The following GPA33 variants were observed in gnomAD, a reference collection of about 807,000 sequenced individuals.
The protein encoded by GPA33 is cell surface A33 antigen.
GPA33 carries 27 observed loss-of-function variants against 35.6 expected under a neutral mutation model. The observed-to-expected ratio is 0.76, with a 90% CI of 0.56 to 1.04. The LOEUF (loss-of-function observed/expected upper bound fraction) is 1.04, where lower values mean the gene tolerates loss of function less well. GPA33 is among the 50% of genes least tolerant of loss of function. The probability of loss-of-function intolerance (pLI) is 0.00; values close to 1 mark genes in which losing one functional copy is unlikely to be tolerated. For missense variants in GPA33, 428 were observed against 411.9 expected, an observed-to-expected ratio of 1.04 and a Z score of -0.34; for synonymous variants, 176 against 164.0, an observed-to-expected ratio of 1.07 and a Z score of -0.56.
At chr1:167,076,358 T>A (rs894763829) in intron 1 of GPA33, among the ~76,000 whole-genome samples, 2 of 152,024 alleles carry the variant, frequency 1.3e-5, no homozygotes, top group African/African-American at 2.4e-5. Flanking sequence ...GCAAGTGGGC[T>A]GGTAGATTTG....
Position 167,073,421 on chromosome 1 carries a change from T to C in GPA33, c.162A>G (p.Gly54=). The C allele has an allele frequency of 2.5e-6, 4 of 1,613,862 alleles. No individual in the cohort carries two copies. Among genetic ancestry groups the C allele is most frequent in the Non-Finnish European group, 2.5e-6 (3 of 1,179,804 alleles). Residue 54 remains glycine, a synonymous_variant, in exon 2 of 7, where the codon GGA becomes GGG. Transcript: ENST00000367868. The part of the protein sequence containing the change: ...TYHTSTSSRE[G]LIQWDKLLLT... ...GGAGGAGCTTATCCCATTGAATAAG[T>C]CCCTCTCGACTGGAGGTGGAAGTGT...
intron 2 of GPA33, among the ~76,000 whole-genome samples, chr1:167,073,078 A>C (rs1666753527): frequency 6.6e-6 from 1 of 152,214 alleles, no homozygotes; most frequent in Non-Finnish European, 1.5e-5. Flanking sequence ...AAAACCCATA[A>C]AATTTGGCCT....
chr1:167,055,161 G>T, intron 5 of GPA33, 50 bp from the exon 6 acceptor site: 4 of 1,596,756 alleles, frequency 2.5e-6, no homozygotes, highest in Non-Finnish European at 3.4e-6. Flanking sequence ...AGCTAGCTCC[G>T]GGTCTCCTCC....
At chr1:167,079,771 A>G (rs1466319656) in intron 1 of GPA33, among the ~76,000 whole-genome samples, 1 of 152,236 alleles carries the variant, frequency 6.6e-6, no homozygotes, top group Non-Finnish European at 1.5e-5. Context: ...ATCTGGCTGG[A>G]CTTTTTAATA....
At chr1:167,079,352 T>C (rs1460204874) in intron 1 of GPA33, among the ~76,000 whole-genome samples, 1 of 151,660 alleles carries the variant, frequency 6.6e-6, no homozygotes. Context: ...ATTAGCCAGG[T>C]GTGGCAGCAT....
In GPA33 at chr1:167,069,047, T is replaced by C. The variant is rs1666660955; in HGVS notation, c.290A>G (p.Gln97Arg). The change falls in exon 3 of 7, where the codon CAG (glutamine) becomes CGG (arginine). Residue 97 changes from glutamine to arginine, a missense_variant. Transcript: ENST00000367868. ...NRVSISNNAE[Q>R]SDASITIDQL... ...ATCAATGGTGATGGAGGCATCGGAC[T>C]GCTCAGCATTGTTGGATATGCTGAC... 1.2e-6 allele frequency: 2 copies of C among 1,613,688 alleles called. No homozygotes were observed.
At chr1:167,055,933 G>A (rs2102163930) in intron 4 of GPA33, 84 bp from the exon 5 acceptor site, 1 of 1,423,546 alleles carries the variant, frequency 7.0e-7, no homozygotes, top group East Asian at 2.3e-5. Context: ...GACTCCTTGG[G>A]AAGCACAACC....
intron 4 of GPA33, among the ~76,000 whole-genome samples, chr1:167,057,366 C>A (rs1666330096): frequency 6.6e-6 from 1 of 151,952 alleles, no homozygotes; most frequent in African/African-American, 2.4e-5. Flanking sequence ...TTGAGAGGAG[C>A]TGGAGACCTA....
intron 4 of GPA33, among the ~76,000 whole-genome samples, chr1:167,056,919 GGTGTGTACT>G (rs1666318672): frequency 9.2e-6 from 1 of 108,770 alleles, no homozygotes; most frequent in Non-Finnish European, 2.0e-5. Context: ...TGGTGTGTGT[GGTGTGTACT>G]GTGTGTGGTG....
chr1:167,086,372 C>T lies in GPA33; in HGVS notation c.43+3873G>A, dbSNP rs551037410. Among the ~76,000 whole-genome samples the T allele has an allele frequency of 3.2e-3, 488 of 152,366 alleles. 5 individuals are homozygous for T. The highest frequency in any genetic ancestry group is 0.012 in the African/African-American group (481 of 41,592). ...CACCCCGGCTCTGGCCCAAATACTA[C>T]CCTCTTGAGGTCCAGGGTCTCATCA... On this transcript the variant is annotated intron_variant, in intron 1 of 6. Transcript: ENST00000367868.
chr1:167,073,494 A>G lies in GPA33; in HGVS notation c.89T>C (p.Val30Ala). The change falls in exon 2 of 7, where the codon GTT becomes GCT. Residue 30 changes from valine (V) to alanine (A), a missense_variant. By Grantham distance (64) the Val-to-Ala change is moderately conservative. Coordinates refer to ENST00000367868, the MANE Select transcript of GPA33 (RefSeq NM_005814.3). Reference protein sequence around the residue: ...DAISVETPQDVLRASQGKSVT... With the variant: ...DAISVETPQDALRASQGKSVT... ...ACTCTTTCCCTGCGAAGCCCGAAGA[A>G]CGTCCTGCGGAGTTTCCACAGAGAT... 1 of 1,613,688 alleles carries G rather than the reference A, an allele frequency of 6.2e-7. No homozygotes were observed. The highest frequency in any genetic ancestry group is 8.5e-7 in the Non-Finnish European group (1 of 1,179,574).
At chr1:167,067,815 T>C (rs1248532007) in intron 3 of GPA33, among the ~76,000 whole-genome samples, 2 of 152,170 alleles carry the variant, frequency 1.3e-5, no homozygotes, top group Admixed American at 1.3e-4. Context: ...CAGAGTGATC[T>C]TTATAACATG....
Position 167,082,349 on chromosome 1 carries a change from C to T in GPA33, c.43+7896G>A, listed in dbSNP as rs576591782. 1.2e-3 allele frequency: 539 copies of T among 454,598 alleles called. 1 individual carries two copies. Among genetic ancestry groups the T allele is most frequent in the Middle Eastern group, 8.1e-3 (25 of 3,088 alleles). The allele number at this position is 454,598 out of a possible 1,614,324, so 28.2% of individuals were successfully genotyped here. A position where few individuals can be genotyped will look rare whatever the true frequency, so the allele number is the denominator to read the frequency against. ...TACAGCCCTCTTTTAACAATAAAGCCAACTAGGAGGTGAAAAAGTAGAGAC... is the reference window on the plus strand; with the variant it reads ...TACAGCCCTCTTTTAACAATAAAGCTAACTAGGAGGTGAAAAAGTAGAGAC... On this transcript the variant is annotated intron_variant, in intron 1 of 6. Coordinates refer to ENST00000367868, the MANE Select transcript of GPA33 (RefSeq NM_005814.3).
chr1:167,070,092 C>T (rs1571312577), intron 2 of GPA33, among the ~76,000 whole-genome samples: 1 of 152,136 alleles, frequency 6.6e-6, no homozygotes, highest in African/African-American at 2.4e-5. Flanking sequence ...ATCCTAAAAA[C>T]AACTAAGAAT....
At chr1:167,085,706 C>G (rs866025858) in intron 1 of GPA33, among the ~76,000 whole-genome samples, 3 of 152,196 alleles carry the variant, frequency 2.0e-5, no homozygotes, top group African/African-American at 7.2e-5. Flanking sequence ...GAATGCATAC[C>G]ATTGAGCCCC....
intron 1 of GPA33, among the ~76,000 whole-genome samples, chr1:167,076,643 A>G (rs747224626): frequency 6.6e-6 from 1 of 152,204 alleles, no homozygotes; most frequent in Non-Finnish European, 1.5e-5. Flanking sequence ...AGTGAGGGCC[A>G]TGTGAGCTCC....
chr1:167,055,031 A>G lies in GPA33; in HGVS notation c.772T>C (p.Cys258Arg), dbSNP rs1666207941. 4.3e-6 allele frequency: 7 copies of G among 1,613,832 alleles called. No individual in the cohort carries two copies. Among genetic ancestry groups the G allele is most frequent in the African/African-American group, 1.3e-5 (1 of 74,908 alleles). ...ALIIIGIIIYCCCCRGKDDNT... is the reference protein window; with the variant it reads ...ALIIIGIIIYRCCCRGKDDNT... ...TCGTCCTTCCCTCGGCAGCAGCAGC[A>G]GTAGATGATGATGCCAATGATAATG... is the stretch of plus-strand genomic sequence containing the variant. The change falls in exon 6 of 7, where the codon TGC becomes CGC. Residue 258 changes from cysteine to arginine, a missense_variant. Coordinates refer to ENST00000367868, the MANE Select transcript of GPA33 (RefSeq NM_005814.3).
intron 4 of GPA33, among the ~76,000 whole-genome samples, chr1:167,057,235 A>T (rs1402146104): frequency 1.3e-5 from 2 of 152,098 alleles, no homozygotes; most frequent in Non-Finnish European, 2.9e-5. Flanking sequence ...AGAATATCTC[A>T]TGGAAGACCT....
chr1:167,069,141 G>A lies in GPA33; in HGVS notation c.199-3C>T, dbSNP rs1276928293. 1 of 1,606,268 alleles carries A rather than the reference G, an allele frequency of 6.2e-7. No homozygotes were observed. Among genetic ancestry groups the A allele is most frequent in the Non-Finnish European group, 8.5e-7 (1 of 1,173,184 alleles). ...AACGGCCAGATGACCACCCTTTCCTGGAGAGAGAAGAAATGGCACCAGGTC... is the reference window on the plus strand; with the variant it reads ...AACGGCCAGATGACCACCCTTTCCTAGAGAGAGAAGAAATGGCACCAGGTC... On this transcript the variant is annotated splice_region_variant and splice_polypyrimidine_tract_variant and intron_variant, in intron 2 of 6. Coordinates refer to ENST00000367868, the MANE Select transcript of GPA33 (RefSeq NM_005814.3).
Sources: gnomAD v4.1 joint callset for allele counts (sites outside exome capture counted in the v4.1 genomes callset) on GRCh38, gnomAD v4.1.1 for gene constraint, MANE v1.5 for transcripts, NCBI Gene and HGNC (gene_info 2026-07-23, HGNC 2026-07-21) for gene names.